The following PDE7B variants were observed in gnomAD, a reference collection of about 807,000 sequenced individuals.
The protein encoded by PDE7B is 3',5'-cyclic-AMP phosphodiesterase 7B.
PDE7B carries 29 observed loss-of-function variants against 56.2 expected under a neutral mutation model. The observed-to-expected ratio is 0.52, with a 90% CI of 0.38 to 0.70. The LOEUF is 0.70. Ranked by LOEUF, PDE7B falls within the 30% of genes least tolerant of loss-of-function variation. PDE7B has a pLI of 0.00. For synonymous variants in PDE7B, 197 were observed against 196.9 expected (o/e 1.00, Z 0.00); for missense variants, 490 against 565.0 (o/e 0.87, Z 1.35).
chr6:136,043,557 G>C (rs1319152487), intron 2 of PDE7B, among the ~76,000 whole-genome samples: 1 of 120,310 alleles, frequency 8.3e-6, no homozygotes, highest in Non-Finnish European at 1.7e-5. Context: ...TTGTTGTCGG[G>C]ATTAAATGAC....
At chr6:136,158,271 A>T (rs1778644483) in intron 8 of PDE7B, among the ~76,000 whole-genome samples, 1 of 152,040 alleles carries the variant, frequency 6.6e-6, no homozygotes, top group South Asian at 2.1e-4. Flanking sequence ...GAGAGGGTCT[A>T]TAAGTTACTC....
chr6:135,934,996 AGT>A (rs1774383526), intron 1 of PDE7B, among the ~76,000 whole-genome samples: 1 of 52,504 alleles, frequency 1.9e-5, no homozygotes, highest in African/African-American at 6.5e-5. Context: ...ATAGAGATGA[AGT>A]ATATATTTAT....
intron 1 of PDE7B, among the ~76,000 whole-genome samples, chr6:135,908,250 G>A (rs1048101931): frequency 1.4e-5 from 2 of 143,980 alleles, no homozygotes; most frequent in Admixed American, 6.7e-5. Context: ...CACCACGCCC[G>A]ACTAATTTTG....
chr6:135,957,828 C>T (rs1774825260), intron 2 of PDE7B, among the ~76,000 whole-genome samples: 1 of 152,134 alleles, frequency 6.6e-6, no homozygotes, highest in African/African-American at 2.4e-5. Context: ...AAGGGGATGC[C>T]TCTACATCCA....
At chr6:136,118,674 T>C (rs918593631) in intron 3 of PDE7B, among the ~76,000 whole-genome samples, 4 of 152,226 alleles carry the variant, frequency 2.6e-5, no homozygotes, top group Non-Finnish European at 5.9e-5. Flanking sequence ...TTTTTATATA[T>C]GAATTTTAAT....
chr6:136,147,631 A>G, intron 4 of PDE7B, 129 bp downstream of exon 4: 1 of 633,554 alleles, frequency 1.6e-6, no homozygotes, highest in Admixed American at 2.8e-5. Context: ...ATTATTCCAT[A>G]CATCTGGACT....
intron 11 of PDE7B, among the ~76,000 whole-genome samples, chr6:136,184,383 G>T (rs1779113503): frequency 6.6e-6 from 1 of 152,204 alleles, no homozygotes. Flanking sequence ...GCTCAGTTTT[G>T]AGTGATGTGC....
At chr6:136,187,772 T>C (rs1445653588) in intron 12 of PDE7B, among the ~76,000 whole-genome samples, 2 of 152,228 alleles carry the variant, frequency 1.3e-5, no homozygotes, top group Admixed American at 1.3e-4. Flanking sequence ...GTGGAAATTT[T>C]AGGCACTTTA....
At chr6:135,917,601 GT>G (rs796456592) in intron 1 of PDE7B, among the ~76,000 whole-genome samples, 14 of 149,868 alleles carry the variant, frequency 9.3e-5, no homozygotes, top group African/African-American at 3.2e-4. Flanking sequence ...TTGATTTGTT[GT>G]TGTTTTTTTT....
intron 1 of PDE7B, among the ~76,000 whole-genome samples, chr6:135,935,246 C>T (rs1448997139): frequency 1.1e-5 from 1 of 89,802 alleles, no homozygotes; most frequent in Non-Finnish European, 2.2e-5. Context: ...CCAGGAAAAA[C>T]ATCTTTCAAA....
intron 2 of PDE7B, among the ~76,000 whole-genome samples, chr6:136,008,656 C>A (rs780577045): frequency 2.1e-4 from 32 of 152,208 alleles, no homozygotes; most frequent in Non-Finnish European, 3.8e-4. Flanking sequence ...CTGTTCACGT[C>A]CTTCGCCCAC....
chr6:135,937,387 C>A (rs930812202), intron 1 of PDE7B, among the ~76,000 whole-genome samples: 1 of 152,194 alleles, frequency 6.6e-6, no homozygotes, highest in Non-Finnish European at 1.5e-5. Context: ...AGCCTTGCGT[C>A]TCTCCACTCT....
intron 6 of PDE7B, among the ~76,000 whole-genome samples, chr6:136,151,508 TG>T (rs1231746157): frequency 2.0e-5 from 3 of 152,214 alleles, no homozygotes; most frequent in Non-Finnish European, 4.4e-5. Flanking sequence ...AAAAAATCTG[TG>T]TATAGCTTTT....
At chr6:136,065,029 A>G (rs1333286007) in intron 2 of PDE7B, among the ~76,000 whole-genome samples, 1 of 152,254 alleles carries the variant, frequency 6.6e-6, no homozygotes, top group African/African-American at 2.4e-5. Flanking sequence ...GTGCAAATGC[A>G]TTTATATCTA....
In PDE7B at chr6:135,972,159, G is replaced by C. The variant is rs575253921; in HGVS notation, c.82+24635G>C. On this transcript the variant is annotated intron_variant, in intron 2 of 12. Transcript: ENST00000308191. ...TGAGGCAGGAGAATTGCTTGAACCT[G>C]GGAGGCAGAGGTTGCAGTGAGCCAA... 2.8e-5 allele frequency among the ~76,000 whole-genome samples: 4 copies of C among 145,166 alleles called. No individual in the cohort carries two copies. In the South Asian group the frequency reaches 8.7e-4, roughly 31 times the overall value.
intron 2 of PDE7B, chr6:136,044,253 C>A (rs1305194875): frequency 6.6e-6 from 1 of 152,100 alleles, no homozygotes; most frequent in Non-Finnish European, 1.5e-5. Context: ...GTGTACATTT[C>A]TTCCTCTCCT....
chr6:135,922,379 C>T (rs1408480020), intron 1 of PDE7B, among the ~76,000 whole-genome samples: 1 of 152,156 alleles, frequency 6.6e-6, no homozygotes, highest in Non-Finnish European at 1.5e-5. Context: ...GCCTGGCTTC[C>T]TAATTTGGTT....
At chr6:135,944,044 A>G (rs1267326191) in intron 1 of PDE7B, among the ~76,000 whole-genome samples, 2 of 152,202 alleles carry the variant, frequency 1.3e-5, no homozygotes. Context: ...CAGGCACAGA[A>G]GACAAGACAA....
intron 1 of PDE7B, among the ~76,000 whole-genome samples, chr6:135,930,770 C>T (rs1394419261): frequency 6.6e-6 from 1 of 152,072 alleles, no homozygotes; most frequent in Admixed American, 6.6e-5. Context: ...AGATATTCAG[C>T]TTCCGTATAT....
Sources: allele counts gnomAD v4.1 joint callset (sites outside exome capture counted in the v4.1 genomes callset), GRCh38; gene constraint gnomAD v4.1.1; transcripts MANE v1.5; gene names NCBI Gene and HGNC (gene_info 2026-07-23, HGNC 2026-07-21).